DLGAP1: variants seen among roughly 807,000 people sequenced by gnomAD.
DLGAP1 encodes the protein disks large-associated protein 1.
In DLGAP1, 11 loss-of-function variants were observed where a neutral mutation model predicts 90.8. The observed-to-expected ratio is 0.12, with a 90% confidence interval of 0.08 to 0.20. The LOEUF (loss-of-function observed/expected upper bound fraction) is 0.20. Among genes scored for constraint, DLGAP1 ranks in the 10% least tolerant of loss-of-function variants. The pLI, the probability that DLGAP1 is intolerant of heterozygous loss-of-function variation, is 1.00. For synonymous variants in DLGAP1, 558 were observed against 540.7 expected, an observed-to-expected ratio of 1.03 and a Z score of -0.44; for missense variants, 1,050 against 1,333.8, an observed-to-expected ratio of 0.79 and a Z score of 3.31.
chr18:4,094,450 C>T (rs1054682662), intron 2 of DLGAP1, among the ~76,000 whole-genome samples: 25 of 151,948 alleles, frequency 1.6e-4, no homozygotes, highest in African/African-American at 5.8e-4. Flanking sequence ...TCTATATAGT[C>T]TGTGTTCTAA....
At chr18:3,713,070 A>T (rs1380776) in intron 7 of DLGAP1, among the ~76,000 whole-genome samples, 38,414 of 152,110 alleles carry the variant, frequency 0.25, 5,345 homozygotes, top group East Asian at 0.46. Flanking sequence ...TGGTGCAAAA[A>T]CCAGATGCAG....
rs2083305082 is a variant in DLGAP1, at chr18:4,432,485, T to TC, written c.-267+22520_-267+22521insG. On this transcript the variant is annotated intron_variant, in intron 1 of 12. Transcript: ENST00000315677. ...AAAGGAAACTAGATATTGAAATAAA[T>TC]TTTTTTAAAAATTATATATATTTAC... Among the ~76,000 whole-genome samples, 13 of 44,212 alleles carry TC rather than the reference T, an allele frequency of 2.9e-4. No homozygotes were observed. The Admixed American group carries it at 4.0e-3, about 14-fold the overall frequency. 29.0% of individuals were successfully genotyped at this position (44,212 alleles called of 152,430 possible).
intron 7 of DLGAP1, chr18:3,721,566 G>C (rs1252848625): frequency 6.6e-6 from 1 of 151,992 alleles, no homozygotes; most frequent in Non-Finnish European, 1.5e-5. Context: ...AACATGAGAG[G>C]CCATGTCAAT....
At chr18:4,028,894 T>C (rs964247215) in intron 2 of DLGAP1, among the ~76,000 whole-genome samples, 6 of 152,250 alleles carry the variant, frequency 3.9e-5, no homozygotes, top group African/African-American at 1.4e-4. Context: ...GTAGCATTTT[T>C]ACTTAAATTT....
At chr18:4,414,723 C>CAAAA (rs72124732) in intron 1 of DLGAP1, among the ~76,000 whole-genome samples, 1 of 142,860 alleles carries the variant, frequency 7.0e-6, no homozygotes, top group African/African-American at 2.6e-5. Context: ...AAGACTCTGT[C>CAAAA]AAAAAAAAAA....
intron 2 of DLGAP1, among the ~76,000 whole-genome samples, chr18:4,130,309 A>G (rs2076294844): frequency 6.6e-6 from 1 of 152,178 alleles, no homozygotes; most frequent in Non-Finnish European, 1.5e-5. Flanking sequence ...TATTACCTCA[A>G]GTGAAGAAAG....
At position 3,899,222 on chromosome 18, in the gene DLGAP1, A is replaced by C. The variant is rs553818661; in HGVS notation, c.-72-19082T>G. Reference sequence around the variant, plus strand: ...TGCATTGACAGGTGTTTGTCTAGCAACCTCCGCCCATGGCAGCTTTTCCTC... The same window carrying C: ...TGCATTGACAGGTGTTTGTCTAGCACCCTCCGCCCATGGCAGCTTTTCCTC... On this transcript the variant is annotated intron_variant, in intron 3 of 12. Coordinates refer to ENST00000315677, the MANE Select transcript of DLGAP1 (RefSeq NM_004746.4). 5.1e-4 allele frequency among the ~76,000 whole-genome samples: 77 copies of C among 152,202 alleles called. 1 individual carries two copies. Among genetic ancestry groups the C allele is most frequent in the South Asian group, 2.5e-3 (12 of 4,814 alleles).
Position 3,711,903 on chromosome 18 carries a change from G to A in DLGAP1, c.1591+17232C>T, listed in dbSNP as rs1274574203. Among the ~76,000 whole-genome samples the A allele has an allele frequency of 6.6e-6, 1 of 152,108 alleles. No homozygotes were observed. The highest frequency in any genetic ancestry group is 6.5e-5 in the Admixed American group (1 of 15,272). ...GAAATGCATCGGAGTATGAGGTTGT[G>A]GTTTAGGGATGGGGAGTGTGGGGAT... On this transcript the variant is annotated intron_variant, in intron 7 of 12. Transcript: ENST00000315677. This position sits in a 1 kb window ranked among gnomAD's most constrained non-coding sequence, Gnocchi z 4.0.
intron 9 of DLGAP1, among the ~76,000 whole-genome samples, chr18:3,542,700 T>C (rs542433405): frequency 6.6e-6 from 1 of 152,352 alleles, no homozygotes; most frequent in African/African-American, 2.4e-5. Flanking sequence ...CTAAGGAGTA[T>C]ACAATTGCAA....
intron 3 of DLGAP1, among the ~76,000 whole-genome samples, chr18:3,899,741 T>C (rs2667397): frequency 0.57 from 86,791 of 152,002 alleles, 25,031 homozygotes; most frequent in Middle Eastern, 0.71. Flanking sequence ...TAGAAATGTA[T>C]TGTTCTTTTT....
intron 10 of DLGAP1, among the ~76,000 whole-genome samples, chr18:3,521,730 A>C (rs2051204258): frequency 6.6e-6 from 1 of 152,232 alleles, no homozygotes; most frequent in Non-Finnish European, 1.5e-5. Context: ...ATTTCCGACC[A>C]GAATGTGAGC....
intron 1 of DLGAP1, among the ~76,000 whole-genome samples, chr18:4,170,358 A>G (rs2077002041): frequency 6.6e-6 from 1 of 152,170 alleles, no homozygotes; most frequent in Non-Finnish European, 1.5e-5. Context: ...TAGGTCGGAC[A>G]TGTTAAGTTT....
At chr18:4,397,913 TAG>T (rs1203592729) in intron 1 of DLGAP1, among the ~76,000 whole-genome samples, 1 of 152,182 alleles carries the variant, frequency 6.6e-6, no homozygotes, top group Non-Finnish European at 1.5e-5. Context: ...AGGTTTTTTA[TAG>T]ATGATTCATC....
chr18:4,110,180 C>T (rs1445005827), intron 2 of DLGAP1, among the ~76,000 whole-genome samples: 1 of 152,158 alleles, frequency 6.6e-6, no homozygotes, highest in Non-Finnish European at 1.5e-5. Flanking sequence ...TACGGTATAG[C>T]ATATTGCTCC....
intron 1 of DLGAP1, among the ~76,000 whole-genome samples, chr18:4,269,448 G>C (rs886754684): frequency 6.6e-6 from 1 of 150,948 alleles, no homozygotes; most frequent in African/African-American, 2.4e-5. Flanking sequence ...CTGCCTGCCG[G>C]GCTCACGCCA....
At chr18:3,938,037 C>T (rs2072681466) in intron 3 of DLGAP1, among the ~76,000 whole-genome samples, 1 of 152,186 alleles carries the variant, frequency 6.6e-6, no homozygotes, top group Non-Finnish European at 1.5e-5. Flanking sequence ...CATCTAATCT[C>T]ACAGTGAATT....
intron 7 of DLGAP1, among the ~76,000 whole-genome samples, chr18:3,679,249 T>G (rs1483398093): frequency 6.6e-6 from 1 of 150,736 alleles, no homozygotes; most frequent in East Asian, 2.0e-4. Flanking sequence ...AAGCTCTTGT[T>G]GACCTCCATT....
chr18:4,277,379 C>T (rs894375805), intron 1 of DLGAP1, among the ~76,000 whole-genome samples: 6 of 152,120 alleles, frequency 3.9e-5, no homozygotes, highest in Non-Finnish European at 8.8e-5. Flanking sequence ...AGCTTATTTG[C>T]ACTGTTTCAC....
chr18:4,353,295 G>C (rs186263697), intron 1 of DLGAP1, among the ~76,000 whole-genome samples: 2 of 152,116 alleles, frequency 1.3e-5, no homozygotes, highest in South Asian at 4.1e-4. Context: ...CACTGAGCAC[G>C]GGGCTGCGAG....
Sources: allele counts gnomAD v4.1 joint callset (sites outside exome capture counted in the v4.1 genomes callset), GRCh38; gene constraint gnomAD v4.1.1; non-coding constraint Gnocchi (gnomAD v3.1); transcripts MANE v1.5; gene names NCBI Gene and HGNC (gene_info 2026-07-23, HGNC 2026-07-21).